SLC45A4: variants seen among roughly 807,000 people sequenced by gnomAD.
The protein encoded by SLC45A4 is polyamine-transporter SLC45A4.
Under a neutral mutation model 63.7 loss-of-function variants are expected in SLC45A4, and 32 were observed. The ratio of observed to expected loss-of-function variants is 0.50; its 90% CI spans 0.38 to 0.67. SLC45A4 has a LOEUF of 0.67. Ranked by LOEUF, SLC45A4 falls within the 30% of genes least tolerant of loss-of-function variation. SLC45A4 has a pLI of 0.00. For synonymous variants in SLC45A4, 535 were observed against 510.0 expected, an observed-to-expected ratio of 1.05 and a Z score of -0.66; for missense variants, 1,027 against 1,157.7, an observed-to-expected ratio of 0.89 and a Z score of 1.64.
chr8:141,234,645 C>T (rs1012033700), intron 2 of SLC45A4, among the ~76,000 whole-genome samples: 5 of 152,176 alleles, frequency 3.3e-5, no homozygotes, highest in Admixed American at 1.3e-4. Flanking sequence ...GTCTGCCTGC[C>T]GTGGGATATT....
intron 1 of SLC45A4, among the ~76,000 whole-genome samples, chr8:141,268,581 A>G (rs923366748): frequency 8.5e-5 from 13 of 152,180 alleles, no homozygotes; most frequent in Non-Finnish European, 1.8e-4. Flanking sequence ...CTTCCTCTCA[A>G]TTTTGTTGTG....
At position 141,211,205 on chromosome 8, in the gene SLC45A4, T is replaced by C; in HGVS notation, c.*367A>G. The C allele has an allele frequency of 2.4e-6, 1 of 421,106 alleles. No individual in the cohort carries two copies. Among genetic ancestry groups the C allele is most frequent in the Non-Finnish European group, 4.2e-6 (1 of 238,418 alleles). 26.1% of individuals were successfully genotyped at this position (421,106 alleles called of 1,614,324 possible). On this transcript the variant is annotated 3_prime_UTR_variant, in exon 9 of 9. Coordinates refer to ENST00000517878, the MANE Select transcript of SLC45A4 (RefSeq NM_001286646.2). ...TCTCAGGAATCCCCAGCAAATGGTT[T>C]AGAGACGAATCAAAGTGCAGTGAAA... is the stretch of plus-strand genomic sequence containing the variant.
intron 1 of SLC45A4, among the ~76,000 whole-genome samples, chr8:141,281,881 CAGAAAGCCAG>C (rs60864066): frequency 0.026 from 3,941 of 152,314 alleles, 74 homozygotes; most frequent in Middle Eastern, 0.071. Flanking sequence ...CACTGGTTAT[CAGAAAGCCAG>C]TGAAAGCCTG....
chr8:141,212,074 G>A (rs1401420010), intron 8 of SLC45A4, 123 bp downstream of exon 8: 1 of 1,408,248 alleles, frequency 7.1e-7, no homozygotes, highest in Non-Finnish European at 9.2e-7. Context: ...CGCACTGCCG[G>A]GTCGGCCACA....
rs1589746428 is a variant in SLC45A4, at chr8:141,207,827, T to C, written c.*3745A>G. 1 of 152,152 alleles carries C rather than the reference T, an allele frequency of 6.6e-6. No homozygotes were observed. The highest frequency in any genetic ancestry group is 2.4e-5 in the African/African-American group (1 of 41,346). 9.4% of individuals were successfully genotyped at this position (152,152 alleles called of 1,614,324 possible). ...TGATGGCTGGCTTTGCATGAGGAGG[T>C]GACAAGAACTTTGGGCTGGGCCCCC... On this transcript the variant is annotated 3_prime_UTR_variant, in exon 9 of 9. Transcript: ENST00000517878.
intron 1 of SLC45A4, among the ~76,000 whole-genome samples, chr8:141,296,794 C>T (rs1366040414): frequency 6.8e-6 from 1 of 146,414 alleles, no homozygotes; most frequent in Non-Finnish European, 1.5e-5. Context: ...CGAGATCATG[C>T]CACTATACTC....
At chr8:141,299,379 T>C (rs1439806761) in intron 1 of SLC45A4, among the ~76,000 whole-genome samples, 1 of 152,228 alleles carries the variant, frequency 6.6e-6, no homozygotes, top group Non-Finnish European at 1.5e-5. Flanking sequence ...TCAACAGCCT[T>C]GATATTCCCT....
intron 2 of SLC45A4, among the ~76,000 whole-genome samples, chr8:141,233,643 C>T (rs2010596): frequency 0.34 from 51,148 of 152,102 alleles, 9,528 homozygotes; most frequent in Non-Finnish European, 0.42. Context: ...GCCAAGAGTG[C>T]GCCACTGCAC....
intron 2 of SLC45A4, among the ~76,000 whole-genome samples, chr8:141,246,910 T>C (rs1828234077): frequency 6.6e-6 from 1 of 151,642 alleles, no homozygotes; most frequent in Non-Finnish European, 1.5e-5. Context: ...AGCCCAGGAG[T>C]TTCAGTCCAG....
Position 141,218,782 on chromosome 8 carries a change from C to G in SLC45A4, c.858G>C (p.Glu286Asp), listed in dbSNP as rs750552377. 2 of 1,613,278 alleles carry G rather than the reference C, an allele frequency of 1.2e-6. No individual in the cohort carries two copies. Among genetic ancestry groups the G allele is most frequent in the African/African-American group, 2.7e-5 (2 of 75,070 alleles). The change falls in exon 5 of 9, where the codon GAG becomes GAC. Residue 286 changes from glutamate to aspartate, a missense_variant. Transcript: ENST00000517878. ...GGGCCAGCTCGTGCTCCGACTGTAC[C>G]TCGTCTGGGAAGGCAGGGACGCCGT... ...EPHGVPAFPD[E>D]VQSEHELALD...
chr8:141,268,831 C>A (rs1829391638), intron 1 of SLC45A4, among the ~76,000 whole-genome samples: 1 of 152,094 alleles, frequency 6.6e-6, no homozygotes. Context: ...TGGAGGCGCC[C>A]ATCTCCGGGT....
At chr8:141,232,121 A>G (rs937477066) in intron 2 of SLC45A4, among the ~76,000 whole-genome samples, 1 of 152,172 alleles carries the variant, frequency 6.6e-6, no homozygotes, top group Non-Finnish European at 1.5e-5. Flanking sequence ...GGTGAAGCTG[A>G]GCCTCCAATG....
Position 141,240,942 on chromosome 8 carries a change from G to A in SLC45A4, c.241+13047C>T, listed in dbSNP as rs533754624. Reference sequence around the variant, plus strand: ...CCTGTGAGGGCAGCTGGGGGCAGCCGCCCGGATCCATGGGAGGGGGAGTAT... The same window carrying A: ...CCTGTGAGGGCAGCTGGGGGCAGCCACCCGGATCCATGGGAGGGGGAGTAT... On this transcript the variant is annotated intron_variant, in intron 2 of 8. Coordinates refer to ENST00000517878, the MANE Select transcript of SLC45A4 (RefSeq NM_001286646.2). Among the ~76,000 whole-genome samples the A allele has an allele frequency of 2.2e-4, 34 of 152,288 alleles. No homozygotes were observed. The South Asian group carries it at 6.4e-3, about 29-fold the overall frequency.
rs376789306 is a variant in SLC45A4, at chr8:141,253,196, T to A, written c.241+793A>T. ...TCATGCCCACCTGCGGGTCTGTGAA[T>A]TTCCGTGTTTTCATGCCCACCTGCG... On this transcript the variant is annotated intron_variant, in intron 2 of 8. Transcript: ENST00000517878. 2 of 125,886 alleles carry A rather than the reference T, an allele frequency of 1.6e-5. 1 individual carries two copies. Among genetic ancestry groups the A allele is most frequent in the African/African-American group, 5.4e-5 (2 of 36,850 alleles). The allele number at this position is 125,886 out of a possible 1,614,324, so 7.8% of individuals were successfully genotyped here. A position where few individuals can be genotyped will look rare whatever the true frequency, so the allele number is the denominator to read the frequency against.
At chr8:141,263,106 T>A (rs1161017407) in intron 1 of SLC45A4, among the ~76,000 whole-genome samples, 2 of 150,644 alleles carry the variant, frequency 1.3e-5, no homozygotes, top group Non-Finnish European at 2.9e-5. Context: ...CAGTAAACTA[T>A]CGCAAGGACA....
rs764740270 is a variant in SLC45A4, at chr8:141,212,538, C to T, written c.1960G>A (p.Gly654Arg). Residue 654 changes from glycine to arginine, a missense_variant, in exon 8 of 9, where the codon GGG becomes AGG. Coordinates refer to ENST00000517878, the MANE Select transcript of SLC45A4 (RefSeq NM_001286646.2). The stretch of plus-strand genomic sequence containing the variant: ...ATGCCAAACCCTCGCTTGGAGTTCC[C>T]GGGGCTGTGGTGGATGTACTGCAAG... The part of the protein sequence containing the change: ...DIKQYIHHSP[G>R]NSKRGFGIDC... The T allele has an allele frequency of 2.1e-5, 34 of 1,607,474 alleles. No individual in the cohort carries two copies. The highest frequency in any genetic ancestry group is 2.2e-5 in the East Asian group (1 of 44,752).
chr8:141,298,195 G>C (rs1221433019), intron 1 of SLC45A4, among the ~76,000 whole-genome samples: 2 of 152,252 alleles, frequency 1.3e-5, no homozygotes, highest in African/African-American at 4.8e-5. Context: ...AACGGGTGAT[G>C]AATCTGGGGA....
chr8:141,244,951 CGTGG>C lies in SLC45A4; in HGVS notation c.241+9034_241+9037del, dbSNP rs201451769. On this transcript the variant is annotated intron_variant, in intron 2 of 8. Transcript: ENST00000517878. ...CATCCCTGCGCATTCAGCAAGAAGA[CGTGG>C]GTGGGGGGGGGGGGCGGTGTGGAGG... Among the ~76,000 whole-genome samples, 6 of 5,136 alleles carry C rather than the reference CGTGG, an allele frequency of 1.2e-3. 2 individuals carry two copies. The highest frequency in any genetic ancestry group is 4.1e-3 in the South Asian group (1 of 242). 3.4% of individuals were successfully genotyped at this position (5,136 alleles called of 152,430 possible).
rs1216366449 is a variant in SLC45A4, at chr8:141,308,154, G to T, written c.-459C>A. 1.4e-5 allele frequency: 2 copies of T among 147,618 alleles called. No homozygotes were observed. Among genetic ancestry groups the T allele is most frequent in the Admixed American group, 6.8e-5 (1 of 14,806 alleles). 9.1% of individuals were successfully genotyped at this position (147,618 alleles called of 1,614,324 possible). On this transcript the variant is annotated 5_prime_UTR_variant, in exon 1 of 9. Coordinates refer to ENST00000517878, the MANE Select transcript of SLC45A4 (RefSeq NM_001286646.2). The stretch of plus-strand genomic sequence containing the variant: ...GGGCGGCCGGGCCGGGCCGGGCAGG[G>T]GCTACGGGGGCGCGGAGCCCCGGGC...
Sources: allele counts gnomAD v4.1 joint callset (sites outside exome capture counted in the v4.1 genomes callset), GRCh38; gene constraint gnomAD v4.1.1; transcripts MANE v1.5; gene names NCBI Gene and HGNC (gene_info 2026-07-23, HGNC 2026-07-21).